The following FARP1 variants were observed in gnomAD, a reference collection of about 807,000 sequenced individuals.
FARP1 encodes FERM, ARH/RhoGEF and pleckstrin domain protein 1.
FARP1 carries 52 observed loss-of-function variants against 128.8 expected under a neutral mutation model. The ratio of observed to expected loss-of-function variants is 0.40; its 90% CI spans 0.32 to 0.51. The LOEUF is 0.51. FARP1 is among the 20% of genes least tolerant of loss of function. FARP1 has a pLI of 0.45. For synonymous variants in FARP1, 580 were observed against 551.8 expected (o/e 1.05, Z -0.72); for missense variants, 1,333 against 1,367.9 (o/e 0.97, Z 0.40).
chr13:98,279,592 C>A (rs545107382), intron 2 of FARP1, among the ~76,000 whole-genome samples: 1 of 152,204 alleles, frequency 6.6e-6, no homozygotes, highest in Non-Finnish European at 1.5e-5. Context: ...TTACTAGCCA[C>A]ATGTGGCTAG....
intron 2 of FARP1, among the ~76,000 whole-genome samples, chr13:98,295,809 T>C (rs1279394045): frequency 2.0e-5 from 3 of 152,220 alleles, no homozygotes; most frequent in Non-Finnish European, 2.9e-5. Flanking sequence ...CGATAAAGAA[T>C]TGTATCTGGA....
At chr13:98,211,251 G>C (rs1321303954) in intron 1 of FARP1, among the ~76,000 whole-genome samples, 1 of 152,232 alleles carries the variant, frequency 6.6e-6, no homozygotes, top group Middle Eastern at 3.2e-3. Context: ...ACAGCAGGAG[G>C]TGAGCGGCAG....
At chr13:98,415,080 T>C (rs1477519279) in intron 16 of FARP1, among the ~76,000 whole-genome samples, 2 of 152,170 alleles carry the variant, frequency 1.3e-5, no homozygotes, top group African/African-American at 4.8e-5. Flanking sequence ...ATCTCAGGGG[T>C]GCTCCAGCAG....
rs115796414 is a variant in FARP1, at chr13:98,372,481, G to A, written c.398+4286G>A. 6.2e-3 allele frequency among the ~76,000 whole-genome samples: 945 copies of A among 152,112 alleles called. 15 individuals carry two copies. Among genetic ancestry groups the A allele is most frequent in the African/African-American group, 0.021 (886 of 41,496 alleles). ...TCTTCCCCTTCTCTCTGGGCATCCC[G>A]TCTTCAGTTGGATCCAGCTTCTACT... On this transcript the variant is annotated intron_variant, in intron 5 of 26. Transcript: ENST00000319562.
chr13:98,359,548 C>T (rs1888779169), intron 3 of FARP1, among the ~76,000 whole-genome samples: 1 of 152,224 alleles, frequency 6.6e-6, no homozygotes, highest in Non-Finnish European at 1.5e-5. Context: ...CTCCTCTCAC[C>T]TCCGAGTACA....
intron 2 of FARP1, among the ~76,000 whole-genome samples, chr13:98,285,240 TA>T (rs982943840): frequency 7.9e-5 from 12 of 152,314 alleles, no homozygotes; most frequent in Admixed American, 7.8e-4. Flanking sequence ...TAAAAAATTT[TA>T]AAATATGGAA....
intron 2 of FARP1, among the ~76,000 whole-genome samples, chr13:98,236,044 G>A (rs562110078): frequency 3.3e-5 from 5 of 152,134 alleles, no homozygotes; most frequent in African/African-American, 9.6e-5. Context: ...GGCTGGTCTC[G>A]AACTCCCGAC....
At position 98,454,296 on chromosome 13, in the gene FARP1, A is replaced by C. The variant is rs1893346668; in HGVS notation, c.*5979A>C. On this transcript the variant is annotated 3_prime_UTR_variant, in exon 27 of 27. Coordinates refer to ENST00000319562, the MANE Select transcript of FARP1 (RefSeq NM_005766.4). The stretch of plus-strand genomic sequence containing the variant: ...TCTACAAGATTGTCTTCAGAAGACA[A>C]CAAAGGGTGAGAACGGGGTCCCCTC... 1 of 152,234 alleles carries C rather than the reference A, an allele frequency of 6.6e-6. No homozygotes were observed. The highest frequency in any genetic ancestry group is 2.1e-4 in the South Asian group (1 of 4,834). The allele number at this position is 152,234 out of a possible 1,614,324, so 9.4% of individuals were successfully genotyped here. A position where few individuals can be genotyped will look rare whatever the true frequency, so the allele number is the denominator to read the frequency against.
intron 2 of FARP1, among the ~76,000 whole-genome samples, chr13:98,273,162 T>G (rs1395370594): frequency 6.6e-6 from 1 of 152,180 alleles, no homozygotes; most frequent in African/African-American, 2.4e-5. Flanking sequence ...AGGCAGGGGC[T>G]TATAGGTGGA....
At chr13:98,206,268 C>T (rs1880261608) in intron 1 of FARP1, among the ~76,000 whole-genome samples, 1 of 151,498 alleles carries the variant, frequency 6.6e-6, no homozygotes, top group African/African-American at 2.4e-5. Context: ...TGGTAGTCAA[C>T]CTTGGTGGTA....
At position 98,409,418 on chromosome 13, in the gene FARP1, T is replaced by C; in HGVS notation, c.1495T>C (p.Ser499Pro). The part of the protein sequence containing the change: ...GGVAPANVTL[S>P]PNLSPDTKQA... Reference sequence around the variant, plus strand: ...AGTGGCCCCTGCCAACGTGACCTTGTCTCCCAACCTGAGCCCCGACACCAA... The same window carrying C: ...AGTGGCCCCTGCCAACGTGACCTTGCCTCCCAACCTGAGCCCCGACACCAA... The change falls in exon 14 of 27, where the codon TCT becomes CCT. Residue 499 changes from serine (S) to proline (P), a missense_variant. Transcript: ENST00000319562. 1 of 1,613,962 alleles carries C rather than the reference T, an allele frequency of 6.2e-7. No individual in the cohort carries two copies. The highest frequency in any genetic ancestry group is 8.5e-7 in the Non-Finnish European group (1 of 1,179,996).
At chr13:98,329,734 GTAT>G (rs1378762130) in intron 2 of FARP1, 3 of 152,124 alleles carry the variant, frequency 2.0e-5, no homozygotes, top group Non-Finnish European at 2.9e-5. Context: ...GTTAAAGACT[GTAT>G]TATTATGGTC....
At chr13:98,394,502 C>T (rs1409454447) in intron 12 of FARP1, among the ~76,000 whole-genome samples, 3 of 152,218 alleles carry the variant, frequency 2.0e-5, no homozygotes, top group African/African-American at 7.2e-5. Context: ...TCCGTAGAAG[C>T]TTTACAAGCC....
At chr13:98,169,026 T>G (rs1043127594) in intron 1 of FARP1, among the ~76,000 whole-genome samples, 2 of 150,582 alleles carry the variant, frequency 1.3e-5, no homozygotes, top group Non-Finnish European at 3.0e-5. Context: ...TCAAAAACTG[T>G]TTTTTTTTGT....
chr13:98,287,208 C>CTTTTGTTTTTT (rs1885217158), intron 2 of FARP1, among the ~76,000 whole-genome samples: 1 of 75,814 alleles, frequency 1.3e-5, no homozygotes, highest in Non-Finnish European at 2.4e-5. Context: ...TCAGACATGT[C>CTTTTGTTTTTT]TTTTTTTTTT....
At chr13:98,415,822 C>T (rs1891353249) in intron 16 of FARP1, among the ~76,000 whole-genome samples, 1 of 152,264 alleles carries the variant, frequency 6.6e-6, no homozygotes, top group Non-Finnish European at 1.5e-5. Flanking sequence ...TACGGAAGCG[C>T]AGGTTGGCTC....
chr13:98,409,324 T>C lies in FARP1; in HGVS notation c.1415-14T>C. The C allele has an allele frequency of 6.4e-7, 1 of 1,565,532 alleles. No individual in the cohort carries two copies. The highest frequency in any genetic ancestry group is 8.7e-7 in the Non-Finnish European group (1 of 1,152,532). On this transcript the variant is annotated splice_polypyrimidine_tract_variant and intron_variant, in intron 13 of 26. Coordinates refer to ENST00000319562, the MANE Select transcript of FARP1 (RefSeq NM_005766.4). ...TTACTTTTTTTTTCTTTAAAACTTC[T>C]CATCCCCAAACAGGCTCCCTGACTG...
rs138289334 is a variant in FARP1 at position 98,424,135 on chromosome 13, G to A, written c.1827-437G>A. Reference sequence around the variant, plus strand: ...CTCTTAGAAGCAGAAACCTTCCTCTGGGGCTGAGTCTTGCTTCCTGCAGGT... The same window carrying A: ...CTCTTAGAAGCAGAAACCTTCCTCTAGGGCTGAGTCTTGCTTCCTGCAGGT... On this transcript the variant is annotated intron_variant, in intron 16 of 26. Transcript: ENST00000319562. Among the ~76,000 whole-genome samples, 154 of 152,292 alleles carry A rather than the reference G, an allele frequency of 1.0e-3. No homozygotes were observed. In the Middle Eastern group the frequency reaches 0.01, roughly 10 times the overall value.
In FARP1 at chr13:98,410,804, A is replaced by C; in HGVS notation, c.1673A>C (p.Asp558Ala). 1 of 1,590,208 alleles carries C rather than the reference A, an allele frequency of 6.3e-7. No individual in the cohort carries two copies. Among genetic ancestry groups the C allele is most frequent in the Non-Finnish European group, 8.6e-7 (1 of 1,160,850 alleles). Reference sequence around the variant, plus strand: ...ACCACCGAGCGAACATATCTGAAGGATCTCGAAGTTATCACTTCGGTATGT... The same window carrying C: ...ACCACCGAGCGAACATATCTGAAGGCTCTCGAAGTTATCACTTCGGTATGT... ...VSTTERTYLK[D>A]LEVITSWFQS... Residue 558 changes from aspartate (D) to alanine (A), a missense_variant, in exon 15 of 27, where the codon GAT becomes GCT. Asp to Ala is a moderately radical substitution (Grantham distance 126). Transcript: ENST00000319562.
Sources: gnomAD v4.1 joint callset for allele counts (sites outside exome capture counted in the v4.1 genomes callset) on GRCh38, gnomAD v4.1.1 for gene constraint, MANE v1.5 for transcripts, NCBI Gene and HGNC (gene_info 2026-07-23, HGNC 2026-07-21) for gene names.